The following SOBP variants were observed in gnomAD, a reference collection of about 807,000 sequenced individuals.
The protein encoded by SOBP is sine oculis-binding protein homolog.
In SOBP, 4 loss-of-function variants were observed where a neutral mutation model predicts 53.6. The ratio of observed to expected loss-of-function variants is 0.07; its 90% confidence interval spans 0.04 to 0.17. SOBP has a LOEUF of 0.17. Ranked by LOEUF, SOBP falls within the 10% of genes least tolerant of loss-of-function variation. The pLI, the probability that SOBP is intolerant of heterozygous loss-of-function variation, is 1.00. For missense variants in SOBP, 1,088 were observed against 1,204.7 expected, an observed-to-expected ratio of 0.90 and a Z score of 1.43; for synonymous variants, 584 against 522.6, an observed-to-expected ratio of 1.12 and a Z score of -1.60.
chr6:107,609,836 G>A (rs964603943), intron 5 of SOBP, among the ~76,000 whole-genome samples: 5 of 152,082 alleles, frequency 3.3e-5, no homozygotes, highest in Admixed American at 1.3e-4. Flanking sequence ...GTCAGGACTG[G>A]GCAATGGGGT....
At chr6:107,655,520 T>C (rs1165993312) in intron 6 of SOBP, among the ~76,000 whole-genome samples, 15 of 152,212 alleles carry the variant, frequency 9.9e-5, no homozygotes, top group Non-Finnish European at 2.2e-4. Flanking sequence ...ACAAATTGTC[T>C]ACTTTACCAT....
At chr6:107,537,858 A>G (rs1562598125) in intron 4 of SOBP, among the ~76,000 whole-genome samples, 1 of 151,968 alleles carries the variant, frequency 6.6e-6, no homozygotes, top group Non-Finnish European at 1.5e-5. Flanking sequence ...CTTCTTCAAT[A>G]TCATGATATT....
At chr6:107,565,241 T>C (rs1784881584) in intron 4 of SOBP, among the ~76,000 whole-genome samples, 1 of 152,106 alleles carries the variant, frequency 6.6e-6, no homozygotes, top group South Asian at 2.1e-4. Flanking sequence ...ACATGGACAA[T>C]CAGAAATAAG....
At chr6:107,583,838 G>A (rs1266717976) in intron 4 of SOBP, among the ~76,000 whole-genome samples, 1 of 152,116 alleles carries the variant, frequency 6.6e-6, no homozygotes, top group Non-Finnish European at 1.5e-5. Flanking sequence ...GAAGTGTTTG[G>A]GATTTTGGAA....
intron 5 of SOBP, among the ~76,000 whole-genome samples, chr6:107,610,813 CACACACACACAT>C (rs1786567480): frequency 6.6e-6 from 1 of 151,358 alleles, no homozygotes; most frequent in Admixed American, 6.6e-5. Context: ...CACACACACA[CACACACACACAT>C]ACACACACCA....
chr6:107,503,590 A>G (rs1455881345), intron 1 of SOBP, 67 bp from the exon 2 acceptor site: 1 of 1,544,928 alleles, frequency 6.5e-7, no homozygotes, highest in Non-Finnish European at 8.9e-7. Context: ...GCAGAATTCA[A>G]TTTATGCATT....
rs1783280705 is a variant in SOBP, at chr6:107,515,150, A to C, written c.421+8723A>C. Reference sequence around the variant, plus strand: ...TTTGACAGAGACGTCACATTAGTTTAACTTACCAAAACAGACAGAAGAAAT... The same window carrying C: ...TTTGACAGAGACGTCACATTAGTTTCACTTACCAAAACAGACAGAAGAAAT... On this transcript the variant is annotated intron_variant, in intron 3 of 6. Transcript: ENST00000317357. 4 of 152,364 alleles carry C rather than the reference A, an allele frequency of 2.6e-5. No homozygotes were observed. In the South Asian group the frequency reaches 8.3e-4, roughly 32 times the overall value. 9.4% of individuals were successfully genotyped at this position (152,364 alleles called of 1,614,324 possible). A position where few individuals can be genotyped will look rare whatever the true frequency, so the allele number is the denominator to read the frequency against.
intron 5 of SOBP, among the ~76,000 whole-genome samples, chr6:107,603,561 C>T (rs1786261395): frequency 6.6e-6 from 1 of 152,188 alleles, no homozygotes; most frequent in South Asian, 2.1e-4. Flanking sequence ...CATGCCAGGA[C>T]TGACTTTTAA....
At chr6:107,514,059 G>A (rs1783247984) in intron 3 of SOBP, 1 of 152,562 alleles carries the variant, frequency 6.6e-6, no homozygotes, top group Admixed American at 6.6e-5. Context: ...TGTCTCCTTA[G>A]CCTATATCCT....
At chr6:107,649,871 C>T (rs1346127069) in intron 6 of SOBP, among the ~76,000 whole-genome samples, 1 of 152,108 alleles carries the variant, frequency 6.6e-6, no homozygotes, top group African/African-American at 2.4e-5. Flanking sequence ...AGAAGGGGCT[C>T]CGTAGTTCTG....
chr6:107,589,353 T>C (rs1785670396), intron 5 of SOBP, among the ~76,000 whole-genome samples: 1 of 152,170 alleles, frequency 6.6e-6, no homozygotes, highest in Non-Finnish European at 1.5e-5. Flanking sequence ...CCTGGCCAGG[T>C]AGACGGGACA....
At chr6:107,521,592 T>C (rs1783488094) in intron 3 of SOBP, among the ~76,000 whole-genome samples, 1 of 152,206 alleles carries the variant, frequency 6.6e-6, no homozygotes, top group Admixed American at 6.5e-5. Flanking sequence ...CCCAAGTGTA[T>C]GTTAATGATT....
chr6:107,551,741 C>T (rs1245535332), intron 4 of SOBP, among the ~76,000 whole-genome samples: 1 of 152,152 alleles, frequency 6.6e-6, no homozygotes, highest in Non-Finnish European at 1.5e-5. Context: ...TTGATTGGGG[C>T]TGGGCGCAGT....
chr6:107,497,371 T>A (rs1782728045), intron 1 of SOBP, among the ~76,000 whole-genome samples: 1 of 152,240 alleles, frequency 6.6e-6, no homozygotes, highest in African/African-American at 2.4e-5. Context: ...CTTTTTATTG[T>A]CATTAGGACT....
rs142430806 is a variant in SOBP at position 107,620,533 on chromosome 6, A to G, written c.670-12981A>G. Among the ~76,000 whole-genome samples the G allele has an allele frequency of 2.7e-4, 41 of 152,342 alleles. 1 individual carries two copies. The East Asian group carries it at 7.7e-3, about 29-fold the overall frequency. On this transcript the variant is annotated intron_variant, in intron 5 of 6. Transcript: ENST00000317357. ...CTACAGCCAATGAGACAGCAGGGCC[A>G]TGACCACAGCAGACACCAGCATCTC...
intron 1 of SOBP, among the ~76,000 whole-genome samples, chr6:107,492,546 C>G (rs1367660914): frequency 6.6e-6 from 1 of 152,110 alleles, no homozygotes; most frequent in Non-Finnish European, 1.5e-5. Flanking sequence ...TGGCTGCAGG[C>G]GCAGTCCGTG....
At position 107,490,697 on chromosome 6, in the gene SOBP, C is replaced by T. The variant is rs1328785131; in HGVS notation, c.81C>T (p.Ile27=). ...CGGCTCACCCAGTGAAAAGGGAGAT[C>T]AATGAGGAGATGAAGGTATTTTTTG... ...RKPAHPVKRE[I]NEEMKNFAEN... Residue 27 remains isoleucine, a synonymous_variant, in exon 1 of 7, where the codon ATC becomes ATT. Coordinates refer to ENST00000317357, the MANE Select transcript of SOBP (RefSeq NM_018013.4). 1 of 1,604,978 alleles carries T rather than the reference C, an allele frequency of 6.2e-7. No homozygotes were observed. Among genetic ancestry groups the T allele is most frequent in the Non-Finnish European group, 8.5e-7 (1 of 1,175,176 alleles).
At chr6:107,540,855 T>A (rs1418279817) in intron 4 of SOBP, among the ~76,000 whole-genome samples, 1 of 152,224 alleles carries the variant, frequency 6.6e-6, no homozygotes, top group Non-Finnish European at 1.5e-5. Flanking sequence ...ATTTGCTCAA[T>A]GTTTGAGAGC....
rs1489703553 is a variant in SOBP at position 107,511,524 on chromosome 6, AGCAT to A, written c.421+5099_421+5102del. The A allele has an allele frequency of 2.0e-5, 3 of 152,358 alleles. No individual in the cohort carries two copies. In the East Asian group the frequency reaches 5.8e-4, roughly 29 times the overall value. The allele number at this position is 152,358 out of a possible 1,614,324, so 9.4% of individuals were successfully genotyped here. On this transcript the variant is annotated intron_variant, in intron 3 of 6. Transcript: ENST00000317357. ...CCATCCAGTCAGGCACTGTTTCCCA[AGCAT>A]GTGTTTCATGTGCTGGGGCAGGCTC...
Sources: allele counts gnomAD v4.1 joint callset (sites outside exome capture counted in the v4.1 genomes callset), GRCh38; gene constraint gnomAD v4.1.1; transcripts MANE v1.5; gene names NCBI Gene and HGNC (gene_info 2026-07-23, HGNC 2026-07-21).